Variants in CIMIP5 observed in about 807,000 individuals in gnomAD.
The protein encoded by CIMIP5 is uncharacterized protein C2orf50.
At chr2:11,148,118 A>ATT in the CIMIP5 span, among the ~76,000 whole-genome samples, 2,314 of 143,112 alleles carry the variant, frequency 0.016, 59 homozygotes, top group African/African-American at 0.055. Flanking sequence ...CTTGCTTCAC[A>ATT]TTTTTTTTTT....
At chr2:11,140,443 C>T in the CIMIP5 span, 1 of 1,119,682 alleles carries the variant, frequency 8.9e-7, no homozygotes, top group Non-Finnish European at 1.3e-6. Flanking sequence ...TGACTTGACA[C>T]AGTGAAAGTC....
chr2:11,135,419 T>A, the CIMIP5 span, among the ~76,000 whole-genome samples: 1 of 152,126 alleles, frequency 6.6e-6, no homozygotes, highest in Admixed American at 6.6e-5. Context: ...ACGTGGTATC[T>A]CATTGTGATT....
At chr2:11,138,637 G>A in the CIMIP5 span, among the ~76,000 whole-genome samples, 1 of 152,142 alleles carries the variant, frequency 6.6e-6, no homozygotes, top group Non-Finnish European at 1.5e-5. Context: ...ATTGGATCAT[G>A]CGGGTGGCTT....
At chr2:11,149,040 ACT>A in the CIMIP5 span, among the ~76,000 whole-genome samples, 5 of 151,894 alleles carry the variant, frequency 3.3e-5, no homozygotes, top group South Asian at 2.1e-4. Flanking sequence ...GGCCATGAAA[ACT>A]CTTTTCTATT....
At chr2:11,139,062 C>T in the CIMIP5 span, among the ~76,000 whole-genome samples, 2,102 of 152,118 alleles carry the variant, frequency 0.014, 48 homozygotes, top group African/African-American at 0.047. Context: ...GTATTACAGG[C>T]GCCCGCCACC....
the CIMIP5 span, among the ~76,000 whole-genome samples, chr2:11,138,356 G>A: frequency 6.6e-6 from 1 of 152,168 alleles, no homozygotes; most frequent in Non-Finnish European, 1.5e-5. Flanking sequence ...GCACTCCTTA[G>A]TTCACCAGGG....
chr2:11,143,514 G>A, the CIMIP5 span, among the ~76,000 whole-genome samples: 9 of 151,254 alleles, frequency 6.0e-5, no homozygotes, highest in African/African-American at 2.2e-4. Flanking sequence ...AAGCTGGACA[G>A]TGATGGCTTG....
chr2:11,143,149 A>T, the CIMIP5 span, among the ~76,000 whole-genome samples: 1 of 152,174 alleles, frequency 6.6e-6, no homozygotes, highest in Non-Finnish European at 1.5e-5. Context: ...ATACAGGTGA[A>T]TAACTTGTGT....
the CIMIP5 span, among the ~76,000 whole-genome samples, chr2:11,136,340 A>G: frequency 6.6e-6 from 1 of 152,238 alleles, no homozygotes; most frequent in Non-Finnish European, 1.5e-5. Flanking sequence ...TGAAAAGGCA[A>G]CTTACAGAAT....
At chr2:11,143,864 T>G in the CIMIP5 span, 2 of 1,428,788 alleles carry the variant, frequency 1.4e-6, no homozygotes, top group Non-Finnish European at 1.9e-6. Flanking sequence ...TTTCTCCCAT[T>G]CTAAGGTCCT....
chr2:11,138,085 C>G, the CIMIP5 span, among the ~76,000 whole-genome samples: 3 of 152,300 alleles, frequency 2.0e-5, no homozygotes, highest in East Asian at 5.8e-4. Flanking sequence ...ACCTCGTGAT[C>G]TGCCTGCCTC....
chr2:11,151,272 C>T, the CIMIP5 span, among the ~76,000 whole-genome samples: 1 of 152,200 alleles, frequency 6.6e-6, no homozygotes, highest in Non-Finnish European at 1.5e-5. Context: ...ACCTTGGGGA[C>T]GTGTCGTCAG....
chr2:11,140,491 A>G, the CIMIP5 span: 5 of 1,541,362 alleles, frequency 3.2e-6, no homozygotes, highest in Non-Finnish European at 4.4e-6. Flanking sequence ...CACACAGCCA[A>G]CATGTTTTTC....
the CIMIP5 span, chr2:11,133,269 G>A: frequency 6.7e-7 from 1 of 1,503,502 alleles, no homozygotes; most frequent in Non-Finnish European, 8.8e-7. Context: ...TTTGAGCTGA[G>A]CTCAGGCACA....
At chr2:11,153,713 A>G in the CIMIP5 span, among the ~76,000 whole-genome samples, 4 of 152,110 alleles carry the variant, frequency 2.6e-5, no homozygotes, top group African/African-American at 4.8e-5. Flanking sequence ...TTGGGAGGCC[A>G]AGGCAGGTGG....
the CIMIP5 span, chr2:11,133,315 C>T: frequency 6.4e-7 from 1 of 1,568,358 alleles, no homozygotes; most frequent in Non-Finnish European, 8.5e-7. Flanking sequence ...CAAGCGCACA[C>T]ACACACACAC....
At chr2:11,144,069 G>A in the CIMIP5 span, 11 of 1,597,452 alleles carry the variant, frequency 6.9e-6, no homozygotes, top group Non-Finnish European at 9.4e-6. Context: ...TCACAGAAGG[G>A]GCCCGGAAGA....
At chr2:11,142,779 G>T in the CIMIP5 span, among the ~76,000 whole-genome samples, 5 of 139,122 alleles carry the variant, frequency 3.6e-5, no homozygotes, top group African/African-American at 1.4e-4. Flanking sequence ...GAGTGAAGTA[G>T]CATGATCATG....
the CIMIP5 span, among the ~76,000 whole-genome samples, chr2:11,148,593 G>A: frequency 1.3e-5 from 2 of 151,328 alleles, no homozygotes; most frequent in African/African-American, 4.9e-5. Flanking sequence ...AACAGTAATA[G>A]GCCACCCTGA....
Sources: allele counts gnomAD v4.1 joint callset (sites outside exome capture counted in the v4.1 genomes callset), GRCh38; gene constraint gnomAD v4.1.1; transcripts MANE v1.5; gene names NCBI Gene and HGNC (gene_info 2026-07-23, HGNC 2026-07-21).